Variants in CEP15 observed in about 807,000 individuals in gnomAD.
The protein encoded by CEP15 is centrosomal protein 15 kDa.
the CEP15 span, among the ~76,000 whole-genome samples, chr3:62,332,120 G>A: frequency 1.3e-5 from 2 of 152,044 alleles, no homozygotes; most frequent in Non-Finnish European, 2.9e-5. Flanking sequence ...CTGGTACAAA[G>A]TTGTGTCTTG....
the CEP15 span, chr3:62,320,584 T>A: frequency 7.6e-7 from 1 of 1,318,640 alleles, no homozygotes; most frequent in Non-Finnish European, 1.1e-6. Flanking sequence ...GTTAGTGAAA[T>A]ATTGTATACA....
At chr3:62,328,589 GAAAC>G in the CEP15 span, among the ~76,000 whole-genome samples, 1 of 152,094 alleles carries the variant, frequency 6.6e-6, no homozygotes, top group Non-Finnish European at 1.5e-5. Flanking sequence ...ATAAGACAAA[GAAAC>G]AAAGTATAGT....
chr3:62,331,638 T>C, the CEP15 span, among the ~76,000 whole-genome samples: 1 of 152,150 alleles, frequency 6.6e-6, no homozygotes, highest in East Asian at 1.9e-4. Flanking sequence ...GATAGGGATC[T>C]TTTCACCTTG....
the CEP15 span, chr3:62,320,413 G>C: frequency 5.1e-6 from 7 of 1,384,102 alleles, no homozygotes; most frequent in Middle Eastern, 3.6e-4. Context: ...GCAAAGCTGA[G>C]GACATGTGGT....
the CEP15 span, among the ~76,000 whole-genome samples, chr3:62,329,551 A>C: frequency 1.3e-5 from 2 of 152,294 alleles, no homozygotes; most frequent in East Asian, 1.9e-4. Context: ...GAAAGCAAAT[A>C]TCTCTTAAGC....
chr3:62,324,627 C>T, the CEP15 span, among the ~76,000 whole-genome samples: 1 of 152,122 alleles, frequency 6.6e-6, no homozygotes, highest in Non-Finnish European at 1.5e-5. Flanking sequence ...TTGTGAAAAC[C>T]ACTGATCTGG....
chr3:62,326,034 A>G, the CEP15 span, among the ~76,000 whole-genome samples: 8 of 152,050 alleles, frequency 5.3e-5, no homozygotes, highest in African/African-American at 1.9e-4. Flanking sequence ...AAAAAAAAAA[A>G]AAAAAAGGCA....
chr3:62,328,895 G>A, the CEP15 span, among the ~76,000 whole-genome samples: 2 of 145,502 alleles, frequency 1.4e-5, no homozygotes, highest in Non-Finnish European at 3.0e-5. Flanking sequence ...ATCAAATTGC[G>A]AAGTTTTTTT....
At chr3:62,334,913 C>A in the CEP15 span, 2 of 151,488 alleles carry the variant, frequency 1.3e-5, no homozygotes, top group Non-Finnish European at 2.9e-5. This position sits in a 1 kb window ranked among gnomAD's most constrained non-coding sequence, Gnocchi z 4.9. Flanking sequence ...TAGAAAGGAA[C>A]ATGAGGAAGT....
At chr3:62,319,727 C>T in the CEP15 span, 1 of 152,252 alleles carries the variant, frequency 6.6e-6, no homozygotes, top group African/African-American at 2.4e-5. Flanking sequence ...TTAGGGCAAG[C>T]ACTTTAACCT....
the CEP15 span, chr3:62,331,493 G>GAT: frequency 9.3e-7 from 1 of 1,077,190 alleles, no homozygotes; most frequent in African/African-American, 1.6e-5. Flanking sequence ...GTATTTTCCA[G>GAT]ATATATTTAT....
At chr3:62,329,912 A>T in the CEP15 span, among the ~76,000 whole-genome samples, 1 of 152,162 alleles carries the variant, frequency 6.6e-6, no homozygotes, top group Admixed American at 6.5e-5. Flanking sequence ...GACCTTGTAA[A>T]ATCTCGGTAT....
the CEP15 span, chr3:62,334,420 C>T: frequency 2.0e-5 from 3 of 152,110 alleles, no homozygotes; most frequent in Admixed American, 6.6e-5. This position sits in a 1 kb window ranked among gnomAD's most constrained non-coding sequence, Gnocchi z 4.9. Context: ...TATATTGAAA[C>T]GTCCGTTGTG....
the CEP15 span, chr3:62,319,751 A>G: frequency 6.6e-6 from 1 of 152,254 alleles, no homozygotes; most frequent in Non-Finnish European, 1.5e-5. Flanking sequence ...AAGCCCAACC[A>G]GATGAGTTGC....
the CEP15 span, among the ~76,000 whole-genome samples, chr3:62,323,563 A>G: frequency 6.6e-6 from 1 of 152,316 alleles, no homozygotes; most frequent in African/African-American, 2.4e-5. Flanking sequence ...GACTAAGCAA[A>G]AGGAAAATAT....
the CEP15 span, among the ~76,000 whole-genome samples, chr3:62,328,579 A>G: frequency 1.7e-3 from 266 of 152,332 alleles, no homozygotes; most frequent in African/African-American, 6.2e-3. Context: ...TGGCAAGTCT[A>G]TAAGACAAAG....
chr3:62,320,238 A>G, the CEP15 span, among the ~76,000 whole-genome samples: 1 of 152,210 alleles, frequency 6.6e-6, no homozygotes, highest in Non-Finnish European at 1.5e-5. Flanking sequence ...AGACAATATG[A>G]AATATGTTGG....
the CEP15 span, among the ~76,000 whole-genome samples, chr3:62,329,849 ATTATT>A: frequency 6.6e-6 from 1 of 152,150 alleles, no homozygotes; most frequent in Non-Finnish European, 1.5e-5. Flanking sequence ...TGGACTTGTG[ATTATT>A]TTATTTGTGT....
At chr3:62,333,553 C>T in the CEP15 span, 1 of 697,036 alleles carries the variant, frequency 1.4e-6, no homozygotes, top group South Asian at 2.2e-5. The surrounding 1 kb of genome is among the most constrained non-coding windows in gnomAD (Gnocchi z 4.0). Flanking sequence ...CATGTTATCA[C>T]CTACTACTAT....
Sources: allele counts gnomAD v4.1 joint callset (sites outside exome capture counted in the v4.1 genomes callset), GRCh38; gene constraint gnomAD v4.1.1; non-coding constraint Gnocchi (gnomAD v3.1); transcripts MANE v1.5; gene names NCBI Gene and HGNC (gene_info 2026-07-23, HGNC 2026-07-21).